The following PLCG2 variants were observed in gnomAD, a reference collection of about 807,000 sequenced individuals.
The protein encoded by PLCG2 is 1-phosphatidylinositol 4,5-bisphosphate phosphodiesterase gamma-2.
A neutral mutation model predicts 175.6 loss-of-function variants in PLCG2; 69 were observed. That is an observed-to-expected ratio of 0.39 (90% CI 0.32 to 0.48). The LOEUF (loss-of-function observed/expected upper bound fraction) is 0.48, where lower values mean the gene tolerates loss of function less well. Ranked by LOEUF, PLCG2 falls within the 20% of genes least tolerant of loss-of-function variation. The pLI, the probability that PLCG2 is intolerant of heterozygous loss-of-function variation, is 0.91. For synonymous variants in PLCG2, 827 were observed against 624.0 expected (o/e 1.33, Z -4.85); for missense variants, 1,798 against 1,650.9 (o/e 1.09, Z -1.54).
At chr16:81,771,288 T>TAC (rs1264320645) in intron 2 of PLCG2, among the ~76,000 whole-genome samples, 1 of 152,138 alleles carries the variant, frequency 6.6e-6, no homozygotes, top group Non-Finnish European at 1.5e-5. Flanking sequence ...AGTACACTGG[T>TAC]GTTGTCACAG....
intron 2 of PLCG2, among the ~76,000 whole-genome samples, chr16:81,793,812 T>C (rs1288789472): frequency 4.6e-5 from 7 of 152,212 alleles, no homozygotes; most frequent in Non-Finnish European, 1.5e-5. Context: ...CCTGCTTTAT[T>C]CATAAAGAGA....
chr16:81,753,922 A>G (rs1909865053), intron 1 of PLCG2, among the ~76,000 whole-genome samples: 1 of 152,270 alleles, frequency 6.6e-6, no homozygotes, highest in East Asian at 1.9e-4. Flanking sequence ...GCCAACAGCC[A>G]GGGCTCCATG....
At chr16:81,889,697 C>A (rs1908541115) in intron 10 of PLCG2, among the ~76,000 whole-genome samples, 1 of 152,132 alleles carries the variant, frequency 6.6e-6, no homozygotes, top group Non-Finnish European at 1.5e-5. Flanking sequence ...GTCTGTCACC[C>A]AGCCTGGAGT....
chr16:81,848,253 A>T (rs1001081233), intron 2 of PLCG2, among the ~76,000 whole-genome samples: 28 of 152,236 alleles, frequency 1.8e-4, no homozygotes, highest in Non-Finnish European at 7.3e-5. Context: ...CAGAAGTATG[A>T]TGAATAAGCT....
At chr16:81,911,789 C>T (rs1201524243) in intron 18 of PLCG2, among the ~76,000 whole-genome samples, 1 of 100,594 alleles carries the variant, frequency 9.9e-6, no homozygotes, top group African/African-American at 4.3e-5. Flanking sequence ...TTTTGTATTT[C>T]CTTTTTTTTT....
intron 2 of PLCG2, among the ~76,000 whole-genome samples, chr16:81,816,583 A>G (rs992552412): frequency 7.1e-6 from 1 of 141,342 alleles, no homozygotes; most frequent in Admixed American, 7.3e-5. Flanking sequence ...GGCTCAAATG[A>G]TCCTCCTCCC....
At chr16:81,908,851 A>G (rs1200469199) in intron 17 of PLCG2, among the ~76,000 whole-genome samples, 1 of 152,256 alleles carries the variant, frequency 6.6e-6, no homozygotes, top group African/African-American at 2.4e-5. Flanking sequence ...TGAACAAAAT[A>G]TGAACATTTT....
chr16:81,954,493 C>T lies in PLCG2; in HGVS notation c.3571-2202C>T, dbSNP rs1286408781. Among the ~76,000 whole-genome samples the T allele has an allele frequency of 2.6e-5, 4 of 152,164 alleles. No homozygotes were observed. In the East Asian group the frequency reaches 7.7e-4, roughly 29 times the overall value. On this transcript the variant is annotated intron_variant, in intron 31 of 32. Coordinates refer to ENST00000564138, the MANE Select transcript of PLCG2 (RefSeq NM_002661.5). ...TCATCTAGGTTTTAAGTCCCACATG[C>T]ATTCCCCATCCGCCAACTAGCCATG...
At chr16:81,929,430 G>A (rs111856762) in intron 24 of PLCG2, among the ~76,000 whole-genome samples, 7,688 of 152,212 alleles carry the variant, frequency 0.051, 634 homozygotes, top group African/African-American at 0.17. Flanking sequence ...GAGTCTCGCT[G>A]TGTCACCCAG....
At chr16:81,816,176 G>A (rs1296907663) in intron 2 of PLCG2, among the ~76,000 whole-genome samples, 2 of 152,146 alleles carry the variant, frequency 1.3e-5, no homozygotes, top group Non-Finnish European at 2.9e-5. Flanking sequence ...TTCGAGACCA[G>A]CCTGGCCAAT....
chr16:81,783,926 G>T (rs1270102545), intron 1 of PLCG2, among the ~76,000 whole-genome samples: 1 of 152,124 alleles, frequency 6.6e-6, no homozygotes, highest in Non-Finnish European at 1.5e-5. Context: ...ATTGAGTTCA[G>T]ATGCCTGCTT....
intron 1 of PLCG2, among the ~76,000 whole-genome samples, chr16:81,750,755 C>T (rs1909795223): frequency 1.4e-5 from 2 of 140,090 alleles, no homozygotes; most frequent in Admixed American, 7.9e-5. Flanking sequence ...GCAAGCTCCG[C>T]CTCCCGGGTT....
At chr16:81,870,255 C>G (rs1326103331) in intron 6 of PLCG2, among the ~76,000 whole-genome samples, 3 of 152,168 alleles carry the variant, frequency 2.0e-5, no homozygotes, top group Non-Finnish European at 4.4e-5. Context: ...ATGTTGTTCA[C>G]TTTCAGGGAA....
At chr16:81,805,775 T>TG (rs1567473558) in intron 2 of PLCG2, among the ~76,000 whole-genome samples, 15 of 102,824 alleles carry the variant, frequency 1.5e-4, no homozygotes, top group African/African-American at 5.0e-4. Flanking sequence ...TTGTTTTTTT[T>TG]TTTTTTTGTT....
chr16:81,935,411 T>G (rs560471884), intron 26 of PLCG2: 1 of 383,092 alleles, frequency 2.6e-6, no homozygotes, highest in Admixed American at 6.6e-5. Flanking sequence ...GGCCTGGACA[T>G]CTTTGGGGGC....
chr16:81,775,376 C>G (rs1165811821), upstream of PLCG2, among the ~76,000 whole-genome samples: 1 of 152,148 alleles, frequency 6.6e-6, no homozygotes, highest in Admixed American at 6.6e-5. Context: ...AGCCCACAGC[C>G]ATAAAACTAA....
In PLCG2 at chr16:81,959,242, G is replaced by A. The variant is rs928347278; in HGVS notation, c.*1244G>A. The A allele has an allele frequency of 1.3e-5, 3 of 224,520 alleles. No individual in the cohort carries two copies. Among genetic ancestry groups the A allele is most frequent in the Non-Finnish European group, 1.8e-5 (2 of 112,616 alleles). 13.9% of individuals were successfully genotyped at this position (224,520 alleles called of 1,614,324 possible). On this transcript the variant is annotated 3_prime_UTR_variant, in exon 33 of 33. Transcript: ENST00000564138. ...GGAAGAACAAACCAGCAGTAAGCCT[G>A]ATGTTTGATGTGGATGGAACTGGCC...
chr16:81,871,285 T>G (rs1438343035), intron 7 of PLCG2, among the ~76,000 whole-genome samples: 1 of 152,242 alleles, frequency 6.6e-6, no homozygotes, highest in Non-Finnish European at 1.5e-5. Context: ...TGGCTGTTAT[T>G]ATTAATAGCC....
rs986824939 is a variant in PLCG2, at chr16:81,961,131, A to T, written c.*3133A>T. 3 of 231,074 alleles carry T rather than the reference A, an allele frequency of 1.3e-5. No individual in the cohort carries two copies. The highest frequency in any genetic ancestry group is 6.6e-5 in the African/African-American group (3 of 45,256). The allele number at this position is 231,074 out of a possible 1,614,324, so 14.3% of individuals were successfully genotyped here. On this transcript the variant is annotated 3_prime_UTR_variant, in exon 33 of 33. Coordinates refer to ENST00000564138, the MANE Select transcript of PLCG2 (RefSeq NM_002661.5). ...TTGCTTTCAACAAAGTGGGAGGAAC[A>T]GCCTGTAGATTTCTGAGTCTCTTAG...
Sources: allele counts gnomAD v4.1 joint callset (sites outside exome capture counted in the v4.1 genomes callset), GRCh38; gene constraint gnomAD v4.1.1; transcripts MANE v1.5; gene names NCBI Gene and HGNC (gene_info 2026-07-23, HGNC 2026-07-21).